The following LRRK1 variants were observed in gnomAD, a reference collection of about 807,000 sequenced individuals.
LRRK1 encodes the protein leucine-rich repeat serine/threonine-protein kinase 1.
LRRK1 carries 113 observed loss-of-function variants against 209.1 expected under a neutral mutation model. The ratio of observed to expected loss-of-function variants is 0.54; its 90% confidence interval spans 0.46 to 0.63. The LOEUF (loss-of-function observed/expected upper bound fraction) is 0.63, where lower values mean the gene tolerates loss of function less well. LRRK1 is among the 30% of genes least tolerant of loss of function. The pLI is 0.00. For synonymous variants in LRRK1, 1,144 were observed against 1,099.7 expected (o/e 1.04, Z -0.80); for missense variants, 2,284 against 2,632.2 (o/e 0.87, Z 2.89).
At position 100,944,918 on chromosome 15, in the gene LRRK1, G is replaced by A. The variant is rs116677123; in HGVS notation, c.97+20189G>A. On this transcript the variant is annotated intron_variant, in intron 2 of 33. Coordinates refer to ENST00000388948, the MANE Select transcript of LRRK1 (RefSeq NM_024652.6). ...TAAGTAAAGAAGCAAAACAAAGATAGAGTCTGATTTTTCCCCTCTTTTACA... is the reference window on the plus strand; with the variant it reads ...TAAGTAAAGAAGCAAAACAAAGATAAAGTCTGATTTTTCCCCTCTTTTACA... Among the ~76,000 whole-genome samples, 236 of 152,294 alleles carry A rather than the reference G, an allele frequency of 1.5e-3. 1 individual carries two copies. The highest frequency in any genetic ancestry group is 4.5e-3 in the African/African-American group (188 of 41,552).
intron 20 of LRRK1, among the ~76,000 whole-genome samples, chr15:101,029,908 G>A (rs2034208710): frequency 6.6e-6 from 1 of 152,142 alleles, no homozygotes; most frequent in African/African-American, 2.4e-5. Context: ...ACTAGGATGT[G>A]CATACTAATT....
At chr15:100,935,510 G>A (rs2042285035) in intron 2 of LRRK1, among the ~76,000 whole-genome samples, 1 of 152,180 alleles carries the variant, frequency 6.6e-6, no homozygotes, top group Non-Finnish European at 1.5e-5. Flanking sequence ...CACAGCAGGA[G>A]TGTAGATTTT....
At chr15:100,962,054 G>T (rs2030010885) in intron 2 of LRRK1, among the ~76,000 whole-genome samples, 1 of 152,178 alleles carries the variant, frequency 6.6e-6, no homozygotes, top group South Asian at 2.1e-4. Context: ...TCGGTAGATT[G>T]AGAGCAAACA....
intron 10 of LRRK1, among the ~76,000 whole-genome samples, chr15:101,012,811 C>G (rs1335499347): frequency 6.6e-6 from 1 of 152,202 alleles, no homozygotes; most frequent in Admixed American, 6.5e-5. Context: ...GCTATCATGT[C>G]CTAGGCTCCT....
intron 2 of LRRK1, among the ~76,000 whole-genome samples, chr15:100,959,430 G>C (rs967925567): frequency 5.3e-5 from 8 of 152,212 alleles, no homozygotes; most frequent in African/African-American, 1.9e-4. Context: ...GAGGCAGCCC[G>C]CTGGGAAATT....
intron 3 of LRRK1, among the ~76,000 whole-genome samples, chr15:100,976,462 A>G (rs944358232): frequency 2.6e-5 from 4 of 152,262 alleles, no homozygotes; most frequent in Non-Finnish European, 4.4e-5. Context: ...AGAAAGGCAA[A>G]TAAAACAAAA....
intron 2 of LRRK1, among the ~76,000 whole-genome samples, chr15:100,960,277 C>CTTTTTTTT (rs3031656): frequency 6.9e-5 from 8 of 116,734 alleles, no homozygotes; most frequent in East Asian, 2.4e-4. Flanking sequence ...GTTCATATTG[C>CTTTTTTTT]TTTTTTTTTT....
Position 101,037,997 on chromosome 15 carries a change from A to T in LRRK1, c.2964-7984A>T, listed in dbSNP as rs993944401. ...ATGTGCATCAATCAATAATTGGATT[A>T]AAAAAATTGTGGTATATATACACCA... On this transcript the variant is annotated intron_variant, in intron 20 of 33. Transcript: ENST00000388948. Among the ~76,000 whole-genome samples the T allele has an allele frequency of 4.6e-5, 7 of 152,340 alleles. No homozygotes were observed. In the South Asian group the frequency reaches 6.2e-4, roughly 14 times the overall value.
chr15:100,972,333 TATGAGAGAGAGA>T lies in LRRK1; in HGVS notation c.98-1470_98-1459del, dbSNP rs201676102. Among the ~76,000 whole-genome samples the T allele has an allele frequency of 3.0e-4, 36 of 121,592 alleles. No homozygotes were observed. In the East Asian group the frequency reaches 3.8e-3, roughly 13 times the overall value. 79.8% of individuals were successfully genotyped at this position (121,592 alleles called of 152,430 possible). ...GTAATTTGGGATATATATATATATA[TATGAGAGAGAGA>T]GAGAGAGAGAGAGAGAGAGTGTGTG... On this transcript the variant is annotated intron_variant, in intron 2 of 33. Coordinates refer to ENST00000388948, the MANE Select transcript of LRRK1 (RefSeq NM_024652.6).
chr15:101,031,531 T>G (rs902023594), intron 20 of LRRK1, among the ~76,000 whole-genome samples: 1 of 152,232 alleles, frequency 6.6e-6, no homozygotes, highest in Non-Finnish European at 1.5e-5. Flanking sequence ...TTGGATGGTT[T>G]CCAACTTTGG....
chr15:100,923,627 T>A (rs1347276145), intron 1 of LRRK1, among the ~76,000 whole-genome samples: 1 of 152,204 alleles, frequency 6.6e-6, no homozygotes, highest in Non-Finnish European at 1.5e-5. Flanking sequence ...TGGGCACTTA[T>A]GCCCATGGGG....
intron 1 of LRRK1, among the ~76,000 whole-genome samples, chr15:100,923,103 G>A (rs775564477): frequency 1.2e-4 from 19 of 152,254 alleles, no homozygotes; most frequent in East Asian, 3.9e-4. Context: ...TGGGAGACCC[G>A]CTGGCCTCCA....
At chr15:100,968,991 C>T (rs140682537) in intron 2 of LRRK1, among the ~76,000 whole-genome samples, 6,390 of 152,160 alleles carry the variant, frequency 0.042, 177 homozygotes, top group African/African-American at 0.072. Context: ...CAGGTGTGCA[C>T]CACCATGCCC....
chr15:100,966,193 T>C (rs1460218915), intron 2 of LRRK1, among the ~76,000 whole-genome samples: 3 of 152,220 alleles, frequency 2.0e-5, no homozygotes, highest in African/African-American at 4.8e-5. Flanking sequence ...CAATAGTATT[T>C]TGGAGAAAAA....
At chr15:101,031,528 G>A (rs2034282878) in intron 20 of LRRK1, among the ~76,000 whole-genome samples, 1 of 152,182 alleles carries the variant, frequency 6.6e-6, no homozygotes, top group African/African-American at 2.4e-5. Context: ...CATTTGGATG[G>A]TTTCCAACTT....
At position 101,027,593 on chromosome 15, in the gene LRRK1, T is replaced by G. The variant is rs1040378151; in HGVS notation, c.2527-45T>G. 16 of 1,592,288 alleles carry G rather than the reference T, an allele frequency of 1.0e-5. No homozygotes were observed. In the African/African-American group the frequency reaches 2.0e-4, roughly 20 times the overall value. Reference sequence around the variant, plus strand: ...CAGGATCTGCCCAAGCTGGCAGGTGTGCCTTGGGACCTGAGAGACCCTGCC... The same window carrying G: ...CAGGATCTGCCCAAGCTGGCAGGTGGGCCTTGGGACCTGAGAGACCCTGCC... On this transcript the variant is annotated intron_variant, in intron 18 of 33. Coordinates refer to ENST00000388948, the MANE Select transcript of LRRK1 (RefSeq NM_024652.6). This position sits in a 1 kb window ranked among gnomAD's most constrained non-coding sequence, Gnocchi z 5.1.
At chr15:100,997,982 C>A (rs1321072232) in intron 6 of LRRK1, among the ~76,000 whole-genome samples, 1 of 152,046 alleles carries the variant, frequency 6.6e-6, no homozygotes, top group Non-Finnish European at 1.5e-5. Context: ...AGTTCGAGAC[C>A]AGCCTGGCCA....
At chr15:100,964,712 C>T (rs1342966380) in intron 2 of LRRK1, among the ~76,000 whole-genome samples, 1 of 152,208 alleles carries the variant, frequency 6.6e-6, no homozygotes, top group Non-Finnish European at 1.5e-5. Flanking sequence ...GAGGATGTCA[C>T]ACACTTCAGA....
intron 6 of LRRK1, among the ~76,000 whole-genome samples, chr15:100,991,913 A>C (rs1481578612): frequency 1.3e-5 from 2 of 152,216 alleles, no homozygotes; most frequent in Non-Finnish European, 2.9e-5. Flanking sequence ...ATTAGGAAAC[A>C]TTACTGAACT....
Sources: allele counts gnomAD v4.1 joint callset (sites outside exome capture counted in the v4.1 genomes callset), GRCh38; gene constraint gnomAD v4.1.1; non-coding constraint Gnocchi (gnomAD v3.1); transcripts MANE v1.5; gene names NCBI Gene and HGNC (gene_info 2026-07-23, HGNC 2026-07-21).